Variants in MYT1L observed in about 807,000 individuals in gnomAD.
MYT1L encodes the protein myelin transcription factor 1-like protein.
MYT1L carries 12 observed loss-of-function variants against 126.7 expected under a neutral mutation model. The ratio of observed to expected loss-of-function variants is 0.09; its 90% CI spans 0.06 to 0.15. The LOEUF is 0.15. Ranked by LOEUF, MYT1L falls within the 10% of genes least tolerant of loss-of-function variation. The pLI, the probability that MYT1L is intolerant of heterozygous loss-of-function variation, is 1.00. For missense variants in MYT1L, 979 were observed against 1,585.2 expected, an observed-to-expected ratio of 0.62 and a Z score of 6.49; for synonymous variants, 541 against 604.2, an observed-to-expected ratio of 0.90 and a Z score of 1.53.
intron 21 of MYT1L, among the ~76,000 whole-genome samples, chr2:1,813,180 G>C (rs540378583): frequency 1.3e-5 from 2 of 152,300 alleles, no homozygotes; most frequent in South Asian, 2.1e-4. Context: ...GCTGCAGGTG[G>C]GGGGGAGAGA....
intron 18 of MYT1L, among the ~76,000 whole-genome samples, chr2:1,860,011 C>G (rs1295739935): frequency 1.3e-5 from 2 of 152,236 alleles, no homozygotes; most frequent in Non-Finnish European, 2.9e-5. Flanking sequence ...TGCAGTTTGT[C>G]TGTTTCCCGA....
At chr2:2,101,578 C>A (rs1360531713) in intron 3 of MYT1L, among the ~76,000 whole-genome samples, 1 of 151,870 alleles carries the variant, frequency 6.6e-6, no homozygotes, top group Non-Finnish European at 1.5e-5. Flanking sequence ...CTCATCTACC[C>A]AACCACCCAT....
At position 1,852,056 on chromosome 2, in the gene MYT1L, C is replaced by G. The variant is rs932055608; in HGVS notation, c.2712-353G>C. Among the ~76,000 whole-genome samples, 8 of 152,202 alleles carry G rather than the reference C, an allele frequency of 5.3e-5. No homozygotes were observed. The highest frequency in any genetic ancestry group is 1.7e-4 in the African/African-American group (7 of 41,450). On this transcript the variant is annotated intron_variant, in intron 18 of 24. Coordinates refer to ENST00000647738, the MANE Select transcript of MYT1L (RefSeq NM_001303052.2). The surrounding 1 kb of genome is among the most constrained non-coding windows in gnomAD (Gnocchi z 4.0). ...GAGCCAGCAACCACAGGGCTTGTTA[C>G]TGCACCAGCCCACGTGGGAAGCAAG... is the stretch of plus-strand genomic sequence containing the variant.
At chr2:2,047,884 T>C (rs1274646315) in intron 4 of MYT1L, among the ~76,000 whole-genome samples, 1 of 152,210 alleles carries the variant, frequency 6.6e-6, no homozygotes, top group Non-Finnish European at 1.5e-5. Flanking sequence ...GTATCCAGCT[T>C]AAACCACCAC....
intron 2 of MYT1L, among the ~76,000 whole-genome samples, chr2:2,210,726 C>T (rs1439285048): frequency 6.6e-6 from 1 of 152,102 alleles, no homozygotes; most frequent in Non-Finnish European, 1.5e-5. Flanking sequence ...TTTGTGGTTA[C>T]ATATTAATTT....
intron 4 of MYT1L, among the ~76,000 whole-genome samples, chr2:2,034,086 C>A (rs914448336): frequency 6.6e-6 from 1 of 152,152 alleles, no homozygotes; most frequent in Non-Finnish European, 1.5e-5. Context: ...GTACACAGGT[C>A]ACTTCATTTT....
At chr2:2,280,461 C>G (rs2095431575) in intron 2 of MYT1L, among the ~76,000 whole-genome samples, 1 of 152,176 alleles carries the variant, frequency 6.6e-6, no homozygotes, top group South Asian at 2.1e-4. Flanking sequence ...CCTGCCCATT[C>G]CATATAAGAC....
At chr2:2,325,324 T>C (rs1291399950) in intron 1 of MYT1L, 1 of 152,222 alleles carries the variant, frequency 6.6e-6, no homozygotes, top group East Asian at 1.9e-4. Context: ...CCAACCTCAC[T>C]ATATTATTCT....
intron 9 of MYT1L, among the ~76,000 whole-genome samples, chr2:1,934,037 C>T (rs529045246): frequency 8.1e-5 from 11 of 136,186 alleles, no homozygotes; most frequent in South Asian, 4.6e-4. Flanking sequence ...TGCAGTGGTG[C>T]GATCTCGGCT....
intron 23 of MYT1L, among the ~76,000 whole-genome samples, chr2:1,792,795 G>A (rs2032415617): frequency 6.8e-6 from 1 of 148,018 alleles, no homozygotes; most frequent in South Asian, 2.2e-4. Flanking sequence ...GCTTGAACCC[G>A]AGAGGCGGAG....
intron 9 of MYT1L, among the ~76,000 whole-genome samples, chr2:1,926,790 C>T (rs1373101083): frequency 3.3e-5 from 5 of 152,178 alleles, no homozygotes; most frequent in East Asian, 1.9e-4. Flanking sequence ...CCTCCTGCCT[C>T]GGCCTCCCAA....
intron 14 of MYT1L, among the ~76,000 whole-genome samples, chr2:1,899,211 G>A (rs1318454317): frequency 1.3e-5 from 2 of 152,208 alleles, no homozygotes; most frequent in Non-Finnish European, 2.9e-5. Context: ...GGAACTGCGC[G>A]ATTGTTTTTG....
At chr2:2,180,671 C>T in intron 2 of MYT1L, among the ~76,000 whole-genome samples, 1 of 149,548 alleles carries the variant, frequency 6.7e-6, no homozygotes, top group Non-Finnish European at 1.5e-5. Context: ...CCTGTGTGTG[C>T]ACCTGTGTGT....
intron 1 of MYT1L, chr2:2,326,135 G>T (rs532127658): frequency 1.3e-5 from 2 of 152,256 alleles, no homozygotes; most frequent in Admixed American, 1.3e-4. Context: ...ACCATCGCAC[G>T]TGCTGGTCAC....
At chr2:1,934,737 C>G (rs1267074529) in intron 9 of MYT1L, among the ~76,000 whole-genome samples, 1 of 150,412 alleles carries the variant, frequency 6.6e-6, no homozygotes, top group African/African-American at 2.4e-5. Flanking sequence ...TACACACACA[C>G]ACACACACAC....
intron 4 of MYT1L, among the ~76,000 whole-genome samples, chr2:2,001,507 G>C (rs1187793838): frequency 1.3e-5 from 2 of 152,216 alleles, no homozygotes; most frequent in Non-Finnish European, 2.9e-5. Context: ...CAATAATAGA[G>C]TGAAGAAATA....
At chr2:2,302,201 T>A (rs1172308571) in intron 1 of MYT1L, among the ~76,000 whole-genome samples, 1 of 152,194 alleles carries the variant, frequency 6.6e-6, no homozygotes, top group Non-Finnish European at 1.5e-5. Context: ...TCCTCAAATG[T>A]GAAACATGGC....
chr2:1,911,976 C>T (rs1573500951), intron 12 of MYT1L, 44 bp downstream of exon 12: 2 of 1,447,426 alleles, frequency 1.4e-6, no homozygotes, highest in East Asian at 2.4e-5. Flanking sequence ...GCATGGAGAG[C>T]AGCCGGTGCT....
intron 21 of MYT1L, among the ~76,000 whole-genome samples, chr2:1,830,509 A>C (rs2039998336): frequency 6.6e-6 from 1 of 151,436 alleles, no homozygotes; most frequent in Non-Finnish European, 1.5e-5. Flanking sequence ...AAGGGCTCAC[A>C]GGGAGATGGA....
Sources: gnomAD v4.1 joint callset for allele counts (sites outside exome capture counted in the v4.1 genomes callset) on GRCh38, gnomAD v4.1.1 for gene constraint, Gnocchi (gnomAD v3.1) non-coding constraint, MANE v1.5 for transcripts, NCBI Gene and HGNC (gene_info 2026-07-23, HGNC 2026-07-21) for gene names.